Variants in GRK5 observed in about 807,000 individuals in gnomAD.
GRK5 encodes the protein g protein-coupled receptor kinase GRK5.
In GRK5, 40 loss-of-function variants were observed where a neutral mutation model predicts 78.4. The observed-to-expected ratio is 0.51, with a 90% CI of 0.40 to 0.66. The LOEUF (loss-of-function observed/expected upper bound fraction) is 0.66. GRK5 is among the 30% of genes least tolerant of loss of function. The pLI is 0.00. For synonymous variants in GRK5, 289 were observed against 296.8 expected (o/e 0.97, Z 0.27); for missense variants, 598 against 759.9 (o/e 0.79, Z 2.50).
chr10:119,391,259 G>A (rs933598326), intron 3 of GRK5, among the ~76,000 whole-genome samples: 3 of 152,236 alleles, frequency 2.0e-5, no homozygotes, highest in Admixed American at 6.5e-5. Context: ...TTGCCCAGGC[G>A]GGCACAAGCT....
chr10:119,376,079 G>C (rs546695238), intron 2 of GRK5, among the ~76,000 whole-genome samples: 1 of 152,298 alleles, frequency 6.6e-6, no homozygotes, highest in Admixed American at 6.5e-5. Context: ...GCCCTTTCCT[G>C]TGTGAGTCCA....
intron 3 of GRK5, among the ~76,000 whole-genome samples, chr10:119,390,382 G>T (rs1851870287): frequency 6.6e-6 from 1 of 152,178 alleles, no homozygotes; most frequent in Non-Finnish European, 1.5e-5. Context: ...CAGCAGAACT[G>T]CCCTTTATAA....
intron 1 of GRK5, among the ~76,000 whole-genome samples, chr10:119,225,427 GT>G (rs1848718980): frequency 1.3e-5 from 2 of 152,156 alleles, no homozygotes; most frequent in African/African-American, 2.4e-5. Context: ...GAGTGAGAGA[GT>G]GATAGGTATT....
At chr10:119,323,647 C>G (rs1044336378) in intron 1 of GRK5, among the ~76,000 whole-genome samples, 1 of 152,156 alleles carries the variant, frequency 6.6e-6, no homozygotes, top group Non-Finnish European at 1.5e-5. Flanking sequence ...ATGTGGGGTG[C>G]CTGGCTGTGG....
intron 1 of GRK5, among the ~76,000 whole-genome samples, chr10:119,273,217 C>T (rs1024675919): frequency 9.2e-5 from 14 of 152,086 alleles, no homozygotes; most frequent in Admixed American, 7.2e-4. Context: ...CTCGGCAGCT[C>T]CACTGTAGGC....
intron 2 of GRK5, chr10:119,330,414 CTT>C (rs775760024): frequency 2.8e-4 from 41 of 147,614 alleles, no homozygotes; most frequent in Non-Finnish European, 5.7e-4. Context: ...AGAGAGAGCT[CTT>C]GTCTCTTTTT....
intron 1 of GRK5, among the ~76,000 whole-genome samples, chr10:119,231,067 C>T (rs956801770): frequency 3.9e-5 from 6 of 151,948 alleles, no homozygotes; most frequent in Non-Finnish European, 7.4e-5. Flanking sequence ...TAGGACATGG[C>T]GGTGAGTGGA....
chr10:119,442,358 G>GT (rs2133907755), intron 11 of GRK5, among the ~76,000 whole-genome samples: 1 of 152,346 alleles, frequency 6.6e-6, no homozygotes, highest in Non-Finnish European at 1.5e-5. Flanking sequence ...ACTCTTAGGG[G>GT]TCGGGGCCTG....
At position 119,365,228 on chromosome 10, in the gene GRK5, T is replaced by C. The variant is rs545067394; in HGVS notation, c.149-15587T>C. ...TGTATTTGTATAGCTGAGAAAGCTT[T>C]AGTTTAAAATAAGTGGTATTTGGCA... On this transcript the variant is annotated intron_variant, in intron 2 of 15. Transcript: ENST00000392870. 2.6e-5 allele frequency among the ~76,000 whole-genome samples: 4 copies of C among 152,386 alleles called. No homozygotes were observed. The South Asian group carries it at 8.3e-4, about 32-fold the overall frequency.
rs1006630719 is a variant in GRK5, at chr10:119,324,088, G to A, written c.53-2428G>A. Among the ~76,000 whole-genome samples, 7 of 152,336 alleles carry A rather than the reference G, an allele frequency of 4.6e-5. No individual in the cohort carries two copies. The South Asian group carries it at 8.3e-4, about 18-fold the overall frequency. On this transcript the variant is annotated intron_variant, in intron 1 of 15. Transcript: ENST00000392870. ...CAGCTAGATCCTTGCTCCTGCTCCC[G>A]TCATGGCTGCCGCGTCACTCCTGAA... is the stretch of plus-strand genomic sequence containing the variant.
At chr10:119,442,121 T>TG in intron 11 of GRK5, 33 bp downstream of exon 11, 2 of 1,569,254 alleles carry the variant, frequency 1.3e-6, no homozygotes, top group Non-Finnish European at 1.8e-6. Context: ...CAATGCACCT[T>TG]GAGACCCACC....
intron 3 of GRK5, among the ~76,000 whole-genome samples, chr10:119,385,511 T>A (rs1352940879): frequency 6.6e-6 from 1 of 152,188 alleles, no homozygotes; most frequent in Non-Finnish European, 1.5e-5. Flanking sequence ...CAGGGAGATC[T>A]GCTAGGAGGC....
At chr10:119,362,140 C>G (rs1851375356) in intron 2 of GRK5, among the ~76,000 whole-genome samples, 1 of 152,150 alleles carries the variant, frequency 6.6e-6, no homozygotes, top group Non-Finnish European at 1.5e-5. Flanking sequence ...CCGGTAGTAA[C>G]CCTGTAACAA....
At chr10:119,383,921 A>G (rs773723549) in intron 3 of GRK5, among the ~76,000 whole-genome samples, 1 of 152,154 alleles carries the variant, frequency 6.6e-6, no homozygotes, top group Non-Finnish European at 1.5e-5. Context: ...TCTAGCACCT[A>G]TTGGCATTTT....
chr10:119,395,770 A>G (rs1057004641), intron 3 of GRK5, among the ~76,000 whole-genome samples: 1 of 152,082 alleles, frequency 6.6e-6, no homozygotes. Context: ...TTGGCTAGTT[A>G]TCAGAGTCCT....
intron 2 of GRK5, among the ~76,000 whole-genome samples, chr10:119,362,434 C>T (rs1466939326): frequency 1.3e-5 from 2 of 152,236 alleles, no homozygotes; most frequent in Non-Finnish European, 2.9e-5. Context: ...AATGTGTTGC[C>T]TCGAGTTCCT....
intron 1 of GRK5, among the ~76,000 whole-genome samples, chr10:119,246,482 T>C (rs1433251692): frequency 6.6e-6 from 1 of 152,136 alleles, no homozygotes; most frequent in Non-Finnish European, 1.5e-5. Context: ...AATTTTATAA[T>C]AGTTTATTTT....
chr10:119,401,248 G>T (rs1479603916), intron 4 of GRK5, among the ~76,000 whole-genome samples: 8 of 152,202 alleles, frequency 5.3e-5, no homozygotes, highest in African/African-American at 1.9e-4. Flanking sequence ...CAATGCCTAT[G>T]CCTTGAGCTC....
intron 1 of GRK5, among the ~76,000 whole-genome samples, chr10:119,265,503 C>A (rs888983857): frequency 6.6e-6 from 1 of 152,174 alleles, no homozygotes; most frequent in Non-Finnish European, 1.5e-5. Context: ...AGAAGAGAGA[C>A]CAGAGCTCGC....
Sources: gnomAD v4.1 joint callset for allele counts (sites outside exome capture counted in the v4.1 genomes callset) on GRCh38, gnomAD v4.1.1 for gene constraint, MANE v1.5 for transcripts, NCBI Gene and HGNC (gene_info 2026-07-23, HGNC 2026-07-21) for gene names.